The following COL5A2 variants were observed in gnomAD, a reference collection of about 807,000 sequenced individuals.
The protein encoded by COL5A2 is collagen alpha-2(V) chain.
COL5A2 carries 23 observed loss-of-function variants against 208.2 expected under a neutral mutation model. That is an observed-to-expected ratio of 0.11 (90% CI 0.08 to 0.16). The LOEUF (loss-of-function observed/expected upper bound fraction) is 0.16, where lower values mean the gene tolerates loss of function less well. Ranked by LOEUF, COL5A2 falls within the 10% of genes least tolerant of loss-of-function variation. The pLI, the probability that COL5A2 is intolerant of heterozygous loss-of-function variation, is 1.00. For synonymous variants in COL5A2, 625 were observed against 628.5 expected (o/e 0.99, Z 0.08); for missense variants, 1,590 against 1,956.4 (o/e 0.81, Z 3.53).
the COL5A2 span, among the ~76,000 whole-genome samples, chr2:189,320,379 G>A: frequency 2.6e-5 from 4 of 152,168 alleles, no homozygotes; most frequent in African/African-American, 4.8e-5. Context: ...AGCTAAAGGG[G>A]GAAGTTTGAA....
At chr2:189,106,895 T>C (rs959795063) in intron 2 of COL5A2, among the ~76,000 whole-genome samples, 6 of 151,488 alleles carry the variant, frequency 4.0e-5, no homozygotes, top group Non-Finnish European at 7.4e-5. Flanking sequence ...ATAGCTTCCT[T>C]AATAGTCAAT....
chr2:189,401,250 T>G, the COL5A2 span, among the ~76,000 whole-genome samples: 47 of 152,270 alleles, frequency 3.1e-4, no homozygotes, highest in African/African-American at 1.1e-3. Flanking sequence ...TGTGTGTTGT[T>G]GTCCCCCTTA....
At chr2:189,440,471 T>C in the COL5A2 span, among the ~76,000 whole-genome samples, 1 of 152,248 alleles carries the variant, frequency 6.6e-6, no homozygotes, top group Non-Finnish European at 1.5e-5. Context: ...ATAGTATTTG[T>C]GTATTTAAAC....
chr2:189,252,184 C>G, the COL5A2 span, among the ~76,000 whole-genome samples: 1 of 152,140 alleles, frequency 6.6e-6, no homozygotes, highest in Non-Finnish European at 1.5e-5. Flanking sequence ...CTAGTTCAAC[C>G]ATTGTGGAAG....
the COL5A2 span, among the ~76,000 whole-genome samples, chr2:189,365,740 T>C: frequency 6.6e-6 from 1 of 152,210 alleles, no homozygotes. Flanking sequence ...AAAACTCCCC[T>C]GGAGGCACTC....
rs1685372370 is a variant in COL5A2 at position 189,033,206 on chromosome 2, A to T, written c.*864T>A. Reference sequence around the variant, plus strand: ...GTCTCAATTTAGAGTCCTTGGACATATGTTTGTAAAGTTCTATATGTCAAT... The same window carrying T: ...GTCTCAATTTAGAGTCCTTGGACATTTGTTTGTAAAGTTCTATATGTCAAT... On this transcript the variant is annotated 3_prime_UTR_variant, in exon 54 of 54. Transcript: ENST00000374866. 1 of 152,586 alleles carries T rather than the reference A, an allele frequency of 6.6e-6. No individual in the cohort carries two copies. The highest frequency in any genetic ancestry group is 1.5e-5 in the Non-Finnish European group (1 of 68,014). The allele number at this position is 152,586 out of a possible 1,614,324, so 9.5% of individuals were successfully genotyped here. A position where few individuals can be genotyped will look rare whatever the true frequency, so the allele number is the denominator to read the frequency against.
At chr2:189,325,954 C>T in the COL5A2 span, among the ~76,000 whole-genome samples, 1 of 151,636 alleles carries the variant, frequency 6.6e-6, no homozygotes, top group South Asian at 2.1e-4. Context: ...AAAATTAGTC[C>T]GGCATAGTGG....
the COL5A2 span, among the ~76,000 whole-genome samples, chr2:189,310,528 A>T: frequency 6.6e-6 from 1 of 152,216 alleles, no homozygotes; most frequent in South Asian, 2.1e-4. Flanking sequence ...TCCTCAAAAA[A>T]CTAAAAATTG....
the COL5A2 span, among the ~76,000 whole-genome samples, chr2:189,345,596 G>A: frequency 6.6e-6 from 1 of 152,254 alleles, no homozygotes; most frequent in East Asian, 1.9e-4. Flanking sequence ...AAAAAAGGGA[G>A]AATTTTCAGG....
chr2:189,228,939 G>A (rs1689448928), upstream of COL5A2, among the ~76,000 whole-genome samples: 1 of 151,806 alleles, frequency 6.6e-6, no homozygotes, highest in Non-Finnish European at 1.5e-5. Flanking sequence ...AAATTCAACA[G>A]TGTATTAAAA....
At chr2:189,098,652 G>A in intron 5 of COL5A2, 75 bp downstream of exon 5, 2 of 1,121,030 alleles carry the variant, frequency 1.8e-6, no homozygotes, top group South Asian at 2.5e-5. Flanking sequence ...TCTTCTCATG[G>A]ATATAATATC....
At chr2:189,052,267 A>G in intron 40 of COL5A2, 42 bp from the exon 41 acceptor site, 1 of 1,578,572 alleles carries the variant, frequency 6.3e-7, no homozygotes. Context: ...AAGGTAATAT[A>G]AATTAGTTAC....
At chr2:189,404,512 G>A in the COL5A2 span, among the ~76,000 whole-genome samples, 23 of 152,118 alleles carry the variant, frequency 1.5e-4, no homozygotes, top group Admixed American at 3.9e-4. Context: ...TACACCATTC[G>A]CTCCCCTGGT....
At chr2:189,151,628 A>C (rs1229660805) in intron 1 of COL5A2, among the ~76,000 whole-genome samples, 1 of 152,164 alleles carries the variant, frequency 6.6e-6, no homozygotes, top group Non-Finnish European at 1.5e-5. Flanking sequence ...AGGTGTGTTT[A>C]AAATATAAGC....
At chr2:189,351,008 T>G in the COL5A2 span, among the ~76,000 whole-genome samples, 4 of 152,154 alleles carry the variant, frequency 2.6e-5, no homozygotes, top group African/African-American at 7.2e-5. Flanking sequence ...AGAATAAGAG[T>G]CCTGGCTCTC....
At chr2:189,186,538 G>A (rs1239952241) in intron 1 of COL5A2, among the ~76,000 whole-genome samples, 1 of 151,978 alleles carries the variant, frequency 6.6e-6, no homozygotes, top group East Asian at 1.9e-4. Context: ...AGGAAATTGA[G>A]GCTAATAAAA....
chr2:189,043,848 A>G (rs1251739338), intron 47 of COL5A2, among the ~76,000 whole-genome samples: 1 of 152,208 alleles, frequency 6.6e-6, no homozygotes, highest in African/African-American at 2.4e-5. Context: ...CATATCTGCA[A>G]TATCTGTAAC....
In COL5A2 at chr2:189,079,108, C is replaced by A; in HGVS notation, c.961-1G>T. On this transcript the variant is annotated splice_acceptor_variant, in intron 14 of 53. Coordinates refer to ENST00000374866, the MANE Select transcript of COL5A2 (RefSeq NM_000393.5). LOFTEE classifies it high-confidence loss of function. ...TTGGACCAGTGGGGCCAGCTTCACC[C>A]TAAAAAAAAATGAGAATACATTACA... 1 of 1,610,958 alleles carries A rather than the reference C, an allele frequency of 6.2e-7. No homozygotes were observed. The highest frequency in any genetic ancestry group is 1.1e-5 in the South Asian group (1 of 90,934).
chr2:189,149,971 G>A (rs776235228), intron 1 of COL5A2, among the ~76,000 whole-genome samples: 2 of 152,148 alleles, frequency 1.3e-5, no homozygotes, highest in Non-Finnish European at 2.9e-5. Context: ...TGTGTCTTAT[G>A]GCAATATAAT....
Sources: gnomAD v4.1 joint callset for allele counts (sites outside exome capture counted in the v4.1 genomes callset) on GRCh38, gnomAD v4.1.1 for gene constraint, MANE v1.5 for transcripts, NCBI Gene and HGNC (gene_info 2026-07-23, HGNC 2026-07-21) for gene names.